Variants in ESF1 observed in about 807,000 individuals in gnomAD.
The protein encoded by ESF1 is ESF1 homolog.
ESF1 carries 58 observed loss-of-function variants against 92.0 expected under a neutral mutation model. The observed-to-expected ratio is 0.63, with a 90% CI of 0.51 to 0.78. ESF1 has a LOEUF of 0.78. ESF1 is among the 30% of genes least tolerant of loss of function. ESF1 has a pLI of 0.00. For synonymous variants in ESF1, 321 were observed against 313.7 expected (o/e 1.02, Z -0.24); for missense variants, 922 against 989.1 (o/e 0.93, Z 0.91).
intron 9 of ESF1, among the ~76,000 whole-genome samples, chr20:13,738,824 C>T (rs1473419285): frequency 6.6e-6 from 1 of 151,930 alleles, no homozygotes. Context: ...CAGCACGCAC[C>T]TTATAAATGT....
intron 9 of ESF1, among the ~76,000 whole-genome samples, chr20:13,738,356 CAGGCTGGAGTGCAGT>C (rs1318071743): frequency 6.6e-6 from 1 of 151,632 alleles, no homozygotes; most frequent in Admixed American, 6.6e-5. Context: ...CTGTGTTGCC[CAGGCTGGAGTGCAGT>C]AGTGCAATCA....
intron 9 of ESF1, among the ~76,000 whole-genome samples, chr20:13,756,983 AT>A (rs145125832): frequency 0.016 from 2,367 of 151,480 alleles, 69 homozygotes; most frequent in African/African-American, 0.054. Flanking sequence ...GATCTGTCCT[AT>A]TTTTTTTTCA....
rs142508395 is a variant in ESF1 at position 13,758,358 on chromosome 20, C to T, written c.1828+1334G>A. On this transcript the variant is annotated intron_variant, in intron 9 of 13. Transcript: ENST00000617257. ...ATATGATACACCAGTAAACTTCATT[C>T]GTTCTTACCACCACTTCCTGCAAAA... Among the ~76,000 whole-genome samples the T allele has an allele frequency of 2.6e-3, 398 of 152,288 alleles. 1 individual carries two copies. Among genetic ancestry groups the T allele is most frequent in the Non-Finnish European group, 4.5e-3 (308 of 68,016 alleles).
chr20:13,750,483 C>T (rs201377652), intron 9 of ESF1, among the ~76,000 whole-genome samples: 8 of 151,976 alleles, frequency 5.3e-5, no homozygotes, highest in African/African-American at 1.9e-4. Context: ...CCAGCCTGGG[C>T]GAAAGAGCGA....
chr20:13,761,119 C>T (rs1291022899), intron 8 of ESF1, among the ~76,000 whole-genome samples: 1 of 152,062 alleles, frequency 6.6e-6, no homozygotes, highest in Non-Finnish European at 1.5e-5. Context: ...GCTGTGTCCA[C>T]TCAGGGTTAA....
intron 9 of ESF1, among the ~76,000 whole-genome samples, chr20:13,741,180 T>C (rs936847608): frequency 1.3e-5 from 2 of 152,132 alleles, no homozygotes; most frequent in Admixed American, 1.3e-4. Flanking sequence ...CCCTGCCAAC[T>C]CTCTATCACT....
At chr20:13,755,784 T>C (rs907221445) in intron 9 of ESF1, among the ~76,000 whole-genome samples, 5 of 152,220 alleles carry the variant, frequency 3.3e-5, no homozygotes, top group African/African-American at 1.2e-4. Flanking sequence ...GTTCCCTTAA[T>C]ACTTACCCTT....
chr20:13,746,388 AAAG>A (rs2050048774), intron 9 of ESF1, among the ~76,000 whole-genome samples: 1 of 152,234 alleles, frequency 6.6e-6, no homozygotes. Flanking sequence ...AAAGACAGTA[AAAG>A]AATGTTCACC....
chr20:13,732,188 G>A (rs538463500), intron 10 of ESF1, among the ~76,000 whole-genome samples: 2 of 152,224 alleles, frequency 1.3e-5, no homozygotes, highest in East Asian at 3.9e-4. Context: ...CCAATCTATG[G>A]GATCTGACAC....
At chr20:13,765,652 G>A (rs1979395601) in intron 8 of ESF1, among the ~76,000 whole-genome samples, 2 of 152,150 alleles carry the variant, frequency 1.3e-5, no homozygotes, top group Non-Finnish European at 2.9e-5. Flanking sequence ...ATACTCCCAG[G>A]GAAATGGTCA....
Position 13,717,472 on chromosome 20 carries a change from T to C in ESF1, c.2158A>G (p.Lys720Glu). 3.1e-6 allele frequency: 5 copies of C among 1,614,094 alleles called. No homozygotes were observed. The highest frequency in any genetic ancestry group is 4.2e-6 in the Non-Finnish European group (5 of 1,180,032). Residue 720 changes from lysine (K) to glutamate (E), a missense_variant, in exon 13 of 14, where the codon AAG (lysine) becomes GAG (glutamate). By Grantham distance (56) the Lys-to-Glu change is moderately conservative. Transcript: ENST00000617257. ...ATCTTGTTGTAATTGAAGTGTTTCT[T>C]ACTGTCCTCGTCCTCATCCATCATA... ...LLMMDEDEDS[K>E]KHFNYNKIVE...
chr20:13,781,861 G>T (rs1980205797), intron 2 of ESF1, among the ~76,000 whole-genome samples: 1 of 152,028 alleles, frequency 6.6e-6, no homozygotes, highest in African/African-American at 2.4e-5. Context: ...TTGAGACGGA[G>T]TCCTACTTAC....
chr20:13,778,627 T>C (rs755946481), intron 2 of ESF1, among the ~76,000 whole-genome samples: 4 of 152,162 alleles, frequency 2.6e-5, no homozygotes, highest in African/African-American at 7.2e-5. Flanking sequence ...TTCTCACTTA[T>C]GACAATGGTA....
intron 8 of ESF1, among the ~76,000 whole-genome samples, chr20:13,764,390 G>GT (rs879914772): frequency 1.3e-5 from 2 of 152,132 alleles, no homozygotes; most frequent in South Asian, 4.1e-4. Flanking sequence ...GGGAAAAAGG[G>GT]TTTTGGGGCT....
chr20:13,740,269 A>G (rs565593376), intron 9 of ESF1, among the ~76,000 whole-genome samples: 4 of 152,240 alleles, frequency 2.6e-5, no homozygotes, highest in Non-Finnish European at 5.9e-5. Context: ...AACTTCACAG[A>G]AACAAACTAT....
chr20:13,740,355 G>A (rs1233313907), intron 9 of ESF1, among the ~76,000 whole-genome samples: 1 of 151,600 alleles, frequency 6.6e-6, no homozygotes, highest in Non-Finnish European at 1.5e-5. Flanking sequence ...AACAAAAGAA[G>A]AAATTAAAAG....
intron 9 of ESF1, among the ~76,000 whole-genome samples, chr20:13,740,916 G>C (rs1313510437): frequency 6.6e-6 from 1 of 152,094 alleles, no homozygotes; most frequent in African/African-American, 2.4e-5. Context: ...CCCCTTCCCA[G>C]AAAGAGGCTA....
At position 13,771,351 on chromosome 20, in the gene ESF1, A is replaced by G; in HGVS notation, c.1383T>C (p.Ser461=). 1 of 1,612,012 alleles carries G rather than the reference A, an allele frequency of 6.2e-7. No individual in the cohort carries two copies. The highest frequency in any genetic ancestry group is 8.5e-7 in the Non-Finnish European group (1 of 1,179,614). ...ATTACCTTAGATCTATGAAAGAACAACTACTTTCAAATTCCAGGCCATCAC... is the reference window on the plus strand; with the variant it reads ...ATTACCTTAGATCTATGAAAGAACAGCTACTTTCAAATTCCAGGCCATCAC... ...EDCDGLEFES[S]CSFIDLRFIP... is the part of the protein sequence containing the mutation. The change falls in exon 6 of 14, where the codon AGT becomes AGC. Residue 461 remains serine (S), a synonymous_variant. Transcript: ENST00000617257.
chr20:13,754,483 ATCTC>A (rs774183784), intron 9 of ESF1, among the ~76,000 whole-genome samples: 13 of 152,142 alleles, frequency 8.5e-5, no homozygotes, highest in Non-Finnish European at 1.6e-4. Context: ...TCTAATTTAT[ATCTC>A]TACCAGCCCT....
Sources: gnomAD v4.1 joint callset for allele counts (sites outside exome capture counted in the v4.1 genomes callset) on GRCh38, gnomAD v4.1.1 for gene constraint, MANE v1.5 for transcripts, NCBI Gene and HGNC (gene_info 2026-07-23, HGNC 2026-07-21) for gene names.